Variants in GIGYF2 observed in about 807,000 individuals in gnomAD.
GIGYF2 encodes GRB10 interacting GYF protein 2.
A neutral mutation model predicts 208.1 loss-of-function variants in GIGYF2; 25 were observed. The observed-to-expected ratio is 0.12, with a 90% CI of 0.09 to 0.17. The LOEUF is 0.17. Among genes scored for constraint, GIGYF2 ranks in the 10% least tolerant of loss-of-function variants. The pLI is 1.00. For missense variants in GIGYF2, 1,302 were observed against 1,579.4 expected, an observed-to-expected ratio of 0.82 and a Z score of 2.98; for synonymous variants, 534 against 543.8, an observed-to-expected ratio of 0.98 and a Z score of 0.25.
In GIGYF2 at chr2:232,747,655, C is replaced by T. The variant is rs1198681456; in HGVS notation, c.82C>T (p.Pro28Ser). ...LSSGGSITSP[P>S]LSPALPKYKL... ...CAGTGGTGGGAGTATTACATCCCCT[C>T]CTCTTTCTCCAGCATTGCCGAAGTA... Residue 28 changes from proline to serine, a missense_variant, in exon 4 of 29, where the codon CCT becomes TCT. Transcript: ENST00000373563. 2 of 1,613,844 alleles carry T rather than the reference C, an allele frequency of 1.2e-6. No homozygotes were observed. Among genetic ancestry groups the T allele is most frequent in the South Asian group, 2.2e-5 (2 of 91,084 alleles).
intron 9 of GIGYF2, chr2:232,787,961 C>G (rs1419789628): frequency 6.4e-6 from 1 of 157,254 alleles, no homozygotes; most frequent in Non-Finnish European, 1.4e-5. Context: ...TAATTGAAGA[C>G]ACTAGTGCTT....
chr2:232,770,821 G>T, intron 8 of GIGYF2: 1 of 908,922 alleles, frequency 1.1e-6, no homozygotes, highest in Non-Finnish European at 1.8e-6. Flanking sequence ...ACTTATAACT[G>T]ACTATACCCT....
intron 1 of GIGYF2, among the ~76,000 whole-genome samples, chr2:232,699,509 C>T (rs376258930): frequency 2.6e-5 from 4 of 152,104 alleles, no homozygotes; most frequent in Admixed American, 6.5e-5. Flanking sequence ...CATCCCCATC[C>T]GCTAATTTGG....
intron 18 of GIGYF2, among the ~76,000 whole-genome samples, chr2:232,813,293 G>A (rs1028540106): frequency 1.3e-5 from 2 of 149,882 alleles, no homozygotes; most frequent in East Asian, 2.0e-4. Context: ...AGGTTCAAGC[G>A]ATTCTTCTGC....
intron 2 of GIGYF2, among the ~76,000 whole-genome samples, chr2:232,710,100 C>CA (rs1315676710): frequency 5.3e-5 from 8 of 151,928 alleles, no homozygotes; most frequent in Non-Finnish European, 1.0e-4. Flanking sequence ...GCTGGGACTA[C>CA]AGGCACCCGC....
At chr2:232,748,253 C>T (rs1159041084) in intron 4 of GIGYF2, among the ~76,000 whole-genome samples, 1 of 152,106 alleles carries the variant, frequency 6.6e-6, no homozygotes, top group Non-Finnish European at 1.5e-5. Context: ...TACTCACTGA[C>T]TAGTAAGAAA....
At chr2:232,756,436 T>C (rs1698544802) in intron 6 of GIGYF2, 102 bp downstream of exon 6, 2 of 615,908 alleles carry the variant, frequency 3.2e-6, no homozygotes, top group Admixed American at 3.2e-5. Flanking sequence ...AACTGTTCTT[T>C]GACATTAACT....
intron 8 of GIGYF2, among the ~76,000 whole-genome samples, chr2:232,764,812 T>C (rs916024187): frequency 1.3e-5 from 2 of 152,226 alleles, no homozygotes; most frequent in African/African-American, 2.4e-5. Flanking sequence ...ATTCACACTT[T>C]GGTGGTTTGG....
chr2:232,735,289 G>T, intron 3 of GIGYF2, 51 bp downstream of exon 3: 1 of 1,300,474 alleles, frequency 7.7e-7, no homozygotes, highest in Non-Finnish European at 1.1e-6. Context: ...TAATACAGTA[G>T]TAAAGTATTT....
At chr2:232,845,483 G>A (rs1047711649) in intron 25 of GIGYF2, among the ~76,000 whole-genome samples, 3 of 152,178 alleles carry the variant, frequency 2.0e-5, no homozygotes, top group Non-Finnish European at 2.9e-5. Flanking sequence ...CTAAGGACAC[G>A]TAGGAAGAAT....
At chr2:232,820,591 G>A (rs762821478) in intron 21 of GIGYF2, among the ~76,000 whole-genome samples, 1 of 151,712 alleles carries the variant, frequency 6.6e-6, no homozygotes, top group Non-Finnish European at 1.5e-5. Flanking sequence ...TGGGATTACA[G>A]GCATGAGCTG....
intron 5 of GIGYF2, among the ~76,000 whole-genome samples, chr2:232,753,482 C>T (rs1012472180): frequency 2.0e-5 from 3 of 152,208 alleles, no homozygotes; most frequent in South Asian, 2.1e-4. Flanking sequence ...TAGTCTCGAA[C>T]TCCTGGCCTC....
rs1178807503 is a variant in GIGYF2 at position 232,761,365 on chromosome 2, CTT to C, written c.492-29_492-28del. The C allele has an allele frequency of 2.0e-6, 3 of 1,524,394 alleles. No homozygotes were observed. The African/African-American group carries it at 4.1e-5, about 21-fold the overall frequency. 94.4% of individuals were successfully genotyped at this position (1,524,394 alleles called of 1,614,324 possible). ...ATAGGAAATCTATATCACTGTGAGACTTTGTTTGAAACTTATTTTTTCTTTTC... is the reference window on the plus strand; with the variant it reads ...ATAGGAAATCTATATCACTGTGAGACTGTTTGAAACTTATTTTTTCTTTTC... On this transcript the variant is annotated intron_variant, in intron 7 of 28. Transcript: ENST00000373563.
chr2:232,764,870 A>G (rs893449165), intron 8 of GIGYF2, among the ~76,000 whole-genome samples: 1 of 152,188 alleles, frequency 6.6e-6, no homozygotes, highest in African/African-American at 2.4e-5. Flanking sequence ...TATTTTAACT[A>G]TATTAATCCA....
intron 2 of GIGYF2, among the ~76,000 whole-genome samples, chr2:232,725,677 A>G (rs1263510482): frequency 6.6e-6 from 1 of 152,256 alleles, no homozygotes; most frequent in African/African-American, 2.4e-5. Context: ...CAGTATTCCC[A>G]GAGCTTACTT....
intron 8 of GIGYF2, chr2:232,771,192 C>A: frequency 1.2e-6 from 2 of 1,613,686 alleles, no homozygotes; most frequent in Middle Eastern, 1.6e-4. Context: ...AAAAGACCAA[C>A]ATCATCCAAC....
chr2:232,704,856 A>ATTTC (rs1162541039), intron 2 of GIGYF2, among the ~76,000 whole-genome samples: 1 of 101,958 alleles, frequency 9.8e-6, no homozygotes, highest in East Asian at 3.2e-4. Context: ...TAACTTCTGG[A>ATTTC]TTTTTTTTTT....
intron 6 of GIGYF2, among the ~76,000 whole-genome samples, chr2:232,756,640 C>T (rs190653844): frequency 1.3e-5 from 2 of 152,268 alleles, no homozygotes; most frequent in Admixed American, 6.5e-5. Context: ...TGGGAGCCAA[C>T]GACTCCTGAA....
At chr2:232,781,348 G>A (rs1391279989) in intron 8 of GIGYF2, among the ~76,000 whole-genome samples, 1 of 143,222 alleles carries the variant, frequency 7.0e-6, no homozygotes, top group Non-Finnish European at 1.5e-5. Context: ...GGTCTCCTTG[G>A]CACTCCCACC....
Sources: gnomAD v4.1 joint callset for allele counts (sites outside exome capture counted in the v4.1 genomes callset) on GRCh38, gnomAD v4.1.1 for gene constraint, MANE v1.5 for transcripts, NCBI Gene and HGNC (gene_info 2026-07-23, HGNC 2026-07-21) for gene names.